Variants in TMEM181 observed in about 807,000 individuals in gnomAD.
TMEM181 encodes the protein transmembrane protein 181, also known as G protein-coupled receptor 178.
In TMEM181, 39 loss-of-function variants were observed where a neutral mutation model predicts 71.9. The observed-to-expected ratio is 0.54, with a 90% CI of 0.42 to 0.71. The LOEUF (loss-of-function observed/expected upper bound fraction) is 0.71, where lower values mean the gene tolerates loss of function less well. Among genes scored for constraint, TMEM181 ranks in the 30% least tolerant of loss-of-function variants. TMEM181 has a pLI of 0.00. For missense variants in TMEM181, 595 were observed against 583.0 expected, an observed-to-expected ratio of 1.02 and a Z score of -0.21; for synonymous variants, 245 against 228.8, an observed-to-expected ratio of 1.07 and a Z score of -0.64.
intron 14 of TMEM181, 24 bp from the exon 15 acceptor site, chr6:158,629,706 C>T (rs373155961): frequency 2.7e-5 from 43 of 1,577,152 alleles, no homozygotes; most frequent in South Asian, 8.1e-5. Flanking sequence ...CCAGATGCCG[C>T]GTTCCTTCCC....
intron 14 of TMEM181, 36 bp downstream of exon 14, chr6:158,628,526 G>A (rs765771183): frequency 1.2e-5 from 19 of 1,582,910 alleles, no homozygotes; most frequent in East Asian, 8.9e-5. Context: ...GCTGCAGGAC[G>A]CCTGCTTAGC....
intron 10 of TMEM181, among the ~76,000 whole-genome samples, chr6:158,618,167 T>C (rs984247453): frequency 5.9e-5 from 9 of 152,242 alleles, no homozygotes; most frequent in Non-Finnish European, 1.2e-4. Flanking sequence ...TGCTCCTGTA[T>C]TGGGTGCATA....
chr6:158,627,541 A>T, intron 13 of TMEM181, among the ~76,000 whole-genome samples: 1 of 152,200 alleles, frequency 6.6e-6, no homozygotes, highest in East Asian at 1.9e-4. Flanking sequence ...TGGAGAGGCG[A>T]CATTTGGCTG....
At chr6:158,575,067 G>A (rs1267395813) in intron 2 of TMEM181, among the ~76,000 whole-genome samples, 1 of 152,190 alleles carries the variant, frequency 6.6e-6, no homozygotes, top group Admixed American at 6.5e-5. Context: ...ATTGGAGAGA[G>A]CAATCTGCTT....
Position 158,608,693 on chromosome 6 carries a change from A to G in TMEM181, c.839A>G (p.Lys280Arg). Reference sequence around the variant, plus strand: ...AAGTGTTTAACTTTCTATTTGCCTAAATTCTTCATTGTTGGACTATTGTGG... The same window carrying G: ...AAGTGTTTAACTTTCTATTTGCCTAGATTCTTCATTGTTGGACTATTGTGG... ...ERKCLTFYLP[K>R]FFIVGLLWLA... Residue 280 changes from lysine (K) to arginine (R), a missense_variant, in exon 10 of 17, where the codon AAA becomes AGA. Transcript: ENST00000684151. The G allele has an allele frequency of 1.2e-6, 2 of 1,612,806 alleles. No homozygotes were observed. Among genetic ancestry groups the G allele is most frequent in the Non-Finnish European group, 1.7e-6 (2 of 1,179,730 alleles).
intron 6 of TMEM181, among the ~76,000 whole-genome samples, chr6:158,594,685 C>A (rs768070958): frequency 4.6e-5 from 7 of 152,070 alleles, no homozygotes; most frequent in South Asian, 2.1e-4. Flanking sequence ...TTCTCAACTT[C>A]TTTTTTGTTG....
At chr6:158,557,061 C>A (rs950134699), upstream of TMEM181, among the ~76,000 whole-genome samples, 1 of 152,118 alleles carries the variant, frequency 6.6e-6, no homozygotes, top group African/African-American at 2.4e-5. Flanking sequence ...CAAGTGACTC[C>A]ATTTTAATTC....
chr6:158,571,626 C>T (rs1214397157), intron 1 of TMEM181, among the ~76,000 whole-genome samples: 2 of 152,258 alleles, frequency 1.3e-5, no homozygotes, highest in Non-Finnish European at 2.9e-5. Context: ...GTATTAAACA[C>T]ACCATGCTTA....
chr6:158,546,058 T>A (rs1781517305), intron 1 of TMEM181, among the ~76,000 whole-genome samples: 1 of 152,230 alleles, frequency 6.6e-6, no homozygotes, highest in Non-Finnish European at 1.5e-5. Context: ...GCAGTGTTTC[T>A]GATGTATAAA....
At chr6:158,616,301 A>G (rs1178202448) in intron 10 of TMEM181, among the ~76,000 whole-genome samples, 1 of 152,134 alleles carries the variant, frequency 6.6e-6, no homozygotes, top group African/African-American at 2.4e-5. Flanking sequence ...TTATTGGTGT[A>G]TAGGAATGTT....
At chr6:158,543,160 C>T (rs1781414015) in intron 1 of TMEM181, among the ~76,000 whole-genome samples, 2 of 152,108 alleles carry the variant, frequency 1.3e-5, no homozygotes, top group Non-Finnish European at 2.9e-5. Context: ...CAGGTGTGAG[C>T]CACCTCGCCT....
chr6:158,551,148 G>A (rs1781711262), intron 1 of TMEM181, among the ~76,000 whole-genome samples: 1 of 151,996 alleles, frequency 6.6e-6, no homozygotes, highest in African/African-American at 2.4e-5. Context: ...TTTTAGTAGA[G>A]ACGGGGTTTC....
intron 6 of TMEM181, among the ~76,000 whole-genome samples, chr6:158,592,395 A>G (rs73796520): frequency 0.046 from 7,054 of 152,236 alleles, 367 homozygotes; most frequent in East Asian, 0.16. Context: ...CTGTAATCCC[A>G]GCACTTTGGA....
At chr6:158,608,189 A>C in intron 8 of TMEM181, 144 bp from the exon 9 acceptor site, 3 of 1,072,332 alleles carry the variant, frequency 2.8e-6, no homozygotes, top group Non-Finnish European at 2.7e-6. Flanking sequence ...CCGCACAGGT[A>C]TGGGGTGCTG....
At chr6:158,595,589 A>G (rs1424886544) in intron 6 of TMEM181, among the ~76,000 whole-genome samples, 1 of 152,254 alleles carries the variant, frequency 6.6e-6, no homozygotes, top group Non-Finnish European at 1.5e-5. Flanking sequence ...ATGGAATACT[A>G]TATAGCGAGG....
In TMEM181 at chr6:158,620,412, C is replaced by T. The variant is rs1406837933; in HGVS notation, c.897-3138C>T. The stretch of plus-strand genomic sequence containing the variant: ...GAAAGCCAGGAGAAGGCAGATCTTA[C>T]CAGTCAGCTGAATTAGTGTCTGATG... On this transcript the variant is annotated intron_variant, in intron 10 of 16. Coordinates refer to ENST00000684151, the MANE Select transcript of TMEM181 (RefSeq NM_001376852.1). The surrounding 1 kb of genome is among the most constrained non-coding windows in gnomAD (Gnocchi z 4.5). Among the ~76,000 whole-genome samples, 1 of 152,082 alleles carries T rather than the reference C, an allele frequency of 6.6e-6. No homozygotes were observed. The highest frequency in any genetic ancestry group is 1.5e-5 in the Non-Finnish European group (1 of 68,034).
At chr6:158,547,459 C>A (rs996883049) in intron 1 of TMEM181, among the ~76,000 whole-genome samples, 2 of 152,190 alleles carry the variant, frequency 1.3e-5, no homozygotes, top group African/African-American at 4.8e-5. Context: ...TTCGTCTCAT[C>A]TGTCCTGGGG....
chr6:158,587,945 A>T (rs1783873516), intron 5 of TMEM181, among the ~76,000 whole-genome samples: 1 of 152,204 alleles, frequency 6.6e-6, no homozygotes, highest in African/African-American at 2.4e-5. Context: ...ATTTTAAGCC[A>T]TCCCTTCCTG....
chr6:158,559,229 C>A (rs1451151407), upstream of TMEM181, among the ~76,000 whole-genome samples: 2 of 152,280 alleles, frequency 1.3e-5, no homozygotes, highest in Admixed American at 6.5e-5. Flanking sequence ...CACTGTAGCA[C>A]CCTGAGCTAA....
Sources: allele counts gnomAD v4.1 joint callset (sites outside exome capture counted in the v4.1 genomes callset), GRCh38; gene constraint gnomAD v4.1.1; non-coding constraint Gnocchi (gnomAD v3.1); transcripts MANE v1.5; gene names NCBI Gene and HGNC (gene_info 2026-07-23, HGNC 2026-07-21).